RBPJ: variants seen among roughly 807,000 people sequenced by gnomAD.
RBPJ encodes the protein recombining binding protein suppressor of hairless.
A neutral mutation model predicts 67.8 loss-of-function variants in RBPJ; 9 were observed. That is an observed-to-expected ratio of 0.13 (90% CI 0.08 to 0.23). The LOEUF is 0.23. RBPJ is among the 10% of genes least tolerant of loss of function. RBPJ has a pLI of 1.00. For synonymous variants in RBPJ, 198 were observed against 203.3 expected (o/e 0.97, Z 0.22); for missense variants, 305 against 595.6 (o/e 0.51, Z 5.08).
intron 1 of RBPJ, among the ~76,000 whole-genome samples, chr4:26,254,841 C>CTTTTTTT (rs1456152870): frequency 4.1e-5 from 1 of 24,482 alleles, no homozygotes; most frequent in Non-Finnish European, 8.6e-5. Context: ...CCATGCCCAG[C>CTTTTTTT]TATTTTTTTT....
chr4:26,353,447 T>G (rs1210985608), intron 1 of RBPJ, among the ~76,000 whole-genome samples: 2 of 152,226 alleles, frequency 1.3e-5, no homozygotes, highest in Non-Finnish European at 2.9e-5. Flanking sequence ...CTTCACAACT[T>G]TAACCTCAGT....
At chr4:26,255,546 T>C (rs1402735476) in intron 1 of RBPJ, among the ~76,000 whole-genome samples, 1 of 151,276 alleles carries the variant, frequency 6.6e-6, no homozygotes, top group Non-Finnish European at 1.5e-5. Context: ...CTCAAGCCTG[T>C]AATCCCAGCA....
chr4:26,202,881 C>T (rs1370825851), intron 1 of RBPJ, among the ~76,000 whole-genome samples: 2 of 147,700 alleles, frequency 1.4e-5, no homozygotes, highest in South Asian at 2.1e-4. Flanking sequence ...CGTACCACTG[C>T]ACTCCAGCCT....
chr4:26,239,274 G>C (rs1344274638), intron 1 of RBPJ, among the ~76,000 whole-genome samples: 1 of 152,184 alleles, frequency 6.6e-6, no homozygotes, highest in East Asian at 1.9e-4. Context: ...TCACTCAAAA[G>C]TCTGTATCCG....
chr4:26,335,622 T>TG, intron 1 of RBPJ, among the ~76,000 whole-genome samples: 1 of 146,006 alleles, frequency 6.8e-6, no homozygotes, highest in East Asian at 2.0e-4. Context: ...TACTTCTTTT[T>TG]TTTTTTTTTT....
chr4:26,210,727 C>CCTTCTTTCCTTCTTTCTTTACTTCTTTA (rs55806116), intron 1 of RBPJ, among the ~76,000 whole-genome samples: 1 of 61,776 alleles, frequency 1.6e-5, no homozygotes, highest in Admixed American at 1.8e-4. Flanking sequence ...TTCTTTCTTT[C>CCTTCTTTCCTTCTTTCTTTACTTCTTTA]CTTCTTTACT....
intron 1 of RBPJ, among the ~76,000 whole-genome samples, chr4:26,347,845 G>C (rs74759386): frequency 0.017 from 2,596 of 152,210 alleles, 38 homozygotes; most frequent in Non-Finnish European, 0.028. Context: ...GAATTAAAAG[G>C]GGGTAACTGA....
At chr4:26,113,812 A>G in the RBPJ span, 5 of 229,628 alleles carry the variant, frequency 2.2e-5, no homozygotes, top group Admixed American at 4.1e-5. Flanking sequence ...GAATTCACAC[A>G]AGGCCAAAAG....
intron 1 of RBPJ, among the ~76,000 whole-genome samples, chr4:26,296,554 C>CAT (rs1170751177): frequency 6.6e-6 from 1 of 152,150 alleles, no homozygotes; most frequent in Non-Finnish European, 1.5e-5. Context: ...AGGAGGTTGG[C>CAT]ATATATGACT....
chr4:26,346,455 C>T (rs573209229), intron 1 of RBPJ, among the ~76,000 whole-genome samples: 1 of 152,172 alleles, frequency 6.6e-6, no homozygotes, highest in African/African-American at 2.4e-5. Context: ...ATCTTATCTA[C>T]TCCTTACTGT....
the RBPJ span, among the ~76,000 whole-genome samples, chr4:26,121,873 C>CTTTTTTTTTTTT: frequency 2.1e-5 from 2 of 94,106 alleles, no homozygotes; most frequent in African/African-American, 4.1e-5. Context: ...GAGTATCTCT[C>CTTTTTTTTTTTT]TTTTTTTTTT....
chr4:26,352,460 T>G (rs1726910708), intron 1 of RBPJ, among the ~76,000 whole-genome samples: 1 of 152,242 alleles, frequency 6.6e-6, no homozygotes, highest in African/African-American at 2.4e-5. Flanking sequence ...AATATATCTC[T>G]TGTAGGGGGA....
chr4:26,188,278 GACAA>G (rs1717349841), intron 1 of RBPJ, among the ~76,000 whole-genome samples: 3 of 152,098 alleles, frequency 2.0e-5, no homozygotes, highest in Admixed American at 2.0e-4. Context: ...TTAAAGCACT[GACAA>G]ACAATTCTTT....
intron 1 of RBPJ, among the ~76,000 whole-genome samples, chr4:26,244,402 T>C (rs201282038): frequency 1.1e-5 from 1 of 94,228 alleles, no homozygotes; most frequent in Non-Finnish European, 2.5e-5. Context: ...TGTATGCACA[T>C]ATGTGTGTAT....
the RBPJ span, among the ~76,000 whole-genome samples, chr4:26,155,205 T>A: frequency 1.0e-3 from 156 of 152,298 alleles, no homozygotes; most frequent in Non-Finnish European, 1.7e-3. Flanking sequence ...CATGAAATCA[T>A]GAAAGAAAAA....
intron 1 of RBPJ, among the ~76,000 whole-genome samples, chr4:26,314,606 G>A (rs545605984): frequency 9.2e-5 from 14 of 152,116 alleles, no homozygotes; most frequent in African/African-American, 2.4e-4. Flanking sequence ...TCCCTTCCCC[G>A]CCTTGGTCCT....
chr4:26,266,685 C>A (rs1720714377), intron 1 of RBPJ, among the ~76,000 whole-genome samples: 1 of 152,036 alleles, frequency 6.6e-6, no homozygotes, highest in Admixed American at 6.6e-5. Flanking sequence ...GGTGAGTGAT[C>A]TTCCTGCTGT....
At chr4:26,245,203 ATTTTTTTTTTT>A (rs869234645) in intron 1 of RBPJ, among the ~76,000 whole-genome samples, 5 of 98,410 alleles carry the variant, frequency 5.1e-5, no homozygotes, top group East Asian at 2.9e-4. Flanking sequence ...TCACTATTGT[ATTTTTTTTTTT>A]TTTTTTTTTT....
chr4:26,312,288 C>T (rs1053154095), intron 1 of RBPJ, among the ~76,000 whole-genome samples: 6 of 152,232 alleles, frequency 3.9e-5, no homozygotes, highest in East Asian at 1.9e-4. Flanking sequence ...CCCGCCACCA[C>T]GCCTGGCTAA....
Sources: gnomAD v4.1 joint callset for allele counts (sites outside exome capture counted in the v4.1 genomes callset) on GRCh38, gnomAD v4.1.1 for gene constraint, MANE v1.5 for transcripts, NCBI Gene and HGNC (gene_info 2026-07-23, HGNC 2026-07-21) for gene names.